COL19A1: variants seen among roughly 807,000 people sequenced by gnomAD.
COL19A1 encodes the protein collagen alpha-1(XIX) chain.
Under a neutral mutation model 190.2 loss-of-function variants are expected in COL19A1, and 159 were observed. The observed-to-expected ratio is 0.84, with a 90% CI of 0.73 to 0.95. COL19A1 has a LOEUF of 0.95. Among genes scored for constraint, COL19A1 ranks in the 40% least tolerant of loss-of-function variants. The probability of loss-of-function intolerance (pLI) is 0.00; values close to 1 mark genes in which losing one functional copy is unlikely to be tolerated. For missense variants in COL19A1, 1,418 were observed against 1,431.9 expected (o/e 0.99, Z 0.16); for synonymous variants, 509 against 458.9 (o/e 1.11, Z -1.39).
At chr6:70,139,115 G>A (rs1254264227) in intron 19 of COL19A1, among the ~76,000 whole-genome samples, 1 of 152,094 alleles carries the variant, frequency 6.6e-6, no homozygotes, top group African/African-American at 2.4e-5. Flanking sequence ...GAGCAGAAAG[G>A]AGAAACTTTC....
rs372049814 is a variant in COL19A1, at chr6:70,023,691, C to T, written c.1080+11C>T. The T allele has an allele frequency of 6.2e-7, 1 of 1,603,640 alleles. No homozygotes were observed. Among genetic ancestry groups the T allele is most frequent in the Non-Finnish European group, 8.5e-7 (1 of 1,175,270 alleles). ...CTTAATGGAGAAAATGTAAGCCTAACTCTTTTTTCTGATACTCTGTTTACA... is the reference window on the plus strand; with the variant it reads ...CTTAATGGAGAAAATGTAAGCCTAATTCTTTTTTCTGATACTCTGTTTACA... On this transcript the variant is annotated intron_variant, in intron 12 of 50. Transcript: ENST00000620364.
chr6:69,901,689 T>TAAGAA (rs1035256231), intron 4 of COL19A1, among the ~76,000 whole-genome samples: 1 of 152,228 alleles, frequency 6.6e-6, no homozygotes, highest in African/African-American at 2.4e-5. Flanking sequence ...ATTTAGATGT[T>TAAGAA]TCTTAACTAG....
intron 24 of COL19A1, 73 bp downstream of exon 24, chr6:70,144,336 G>A (rs1216905123): frequency 2.3e-6 from 3 of 1,323,524 alleles, no homozygotes; most frequent in Non-Finnish European, 2.2e-6. Context: ...TAAGGGAGAT[G>A]AAAGGACAGC....
At chr6:70,089,272 G>C (rs3806020) in intron 15 of COL19A1, among the ~76,000 whole-genome samples, 1 of 152,060 alleles carries the variant, frequency 6.6e-6, no homozygotes, top group African/African-American at 2.4e-5. Flanking sequence ...TGGTTTGTCA[G>C]CCATGATCCA....
Position 70,135,592 on chromosome 6 carries a change from C to T in COL19A1, c.1384-2093C>T, listed in dbSNP as rs147325040. Among the ~76,000 whole-genome samples the T allele has an allele frequency of 6.2e-3, 940 of 152,186 alleles. 10 individuals carry two copies. The highest frequency in any genetic ancestry group is 0.022 in the African/African-American group (909 of 41,516). On this transcript the variant is annotated intron_variant, in intron 18 of 50. Coordinates refer to ENST00000620364, the MANE Select transcript of COL19A1 (RefSeq NM_001858.6). ...GATGGGCTCACTGCCCACTGTGCAC[C>T]GAAGCCAATAACTATGGCACCAGCT...
intron 2 of COL19A1, among the ~76,000 whole-genome samples, chr6:69,898,700 T>C (rs1355888382): frequency 6.6e-6 from 1 of 152,168 alleles, no homozygotes; most frequent in African/African-American, 2.4e-5. Context: ...CAAATAATAG[T>C]TATAATAATA....
chr6:70,122,484 G>A (rs1392167465), intron 17 of COL19A1, among the ~76,000 whole-genome samples: 1 of 152,156 alleles, frequency 6.6e-6, no homozygotes, highest in Non-Finnish European at 1.5e-5. Flanking sequence ...AAGCAAGGGA[G>A]TTTTGTTCCA....
intron 16 of COL19A1, among the ~76,000 whole-genome samples, chr6:70,111,062 G>A (rs755146607): frequency 6.6e-6 from 1 of 152,086 alleles, no homozygotes; most frequent in Non-Finnish European, 1.5e-5. Flanking sequence ...TTTTCAGAAC[G>A]GGATATTTGT....
intron 16 of COL19A1, among the ~76,000 whole-genome samples, chr6:70,118,932 T>C (rs1784734647): frequency 6.6e-6 from 1 of 152,186 alleles, no homozygotes; most frequent in Non-Finnish European, 1.5e-5. Flanking sequence ...ATGAGAAGTA[T>C]ATACTTTGCT....
In COL19A1 at chr6:70,142,228, G is replaced by A. The variant is rs192194449; in HGVS notation, c.1572+152G>A. 11 of 691,490 alleles carry A rather than the reference G, an allele frequency of 1.6e-5. No homozygotes were observed. The African/African-American group carries it at 1.6e-4, about 10-fold the overall frequency. 42.8% of individuals were successfully genotyped at this position (691,490 alleles called of 1,614,324 possible). A position where few individuals can be genotyped will look rare whatever the true frequency, so the allele number is the denominator to read the frequency against. ...TCCATGGTGATTTTCCCCACTGGCT[G>A]CATTTATTACACGCATAGTAACTGT... On this transcript the variant is annotated intron_variant, in intron 22 of 50. Coordinates refer to ENST00000620364, the MANE Select transcript of COL19A1 (RefSeq NM_001858.6).
intron 4 of COL19A1, among the ~76,000 whole-genome samples, chr6:69,916,352 AAAAAG>A (rs1352976755): frequency 1.3e-5 from 2 of 152,246 alleles, no homozygotes; most frequent in Non-Finnish European, 2.9e-5. Flanking sequence ...AATGAAAATT[AAAAAG>A]AAAAGAAATG....
intron 11 of COL19A1, among the ~76,000 whole-genome samples, chr6:69,978,490 A>G (rs913052310): frequency 1.3e-5 from 2 of 152,034 alleles, no homozygotes; most frequent in Non-Finnish European, 2.9e-5. Context: ...ACAGTCCTCA[A>G]TAACCCCGGA....
At chr6:70,156,935 G>A (rs541117761) in intron 34 of COL19A1, among the ~76,000 whole-genome samples, 1 of 152,138 alleles carries the variant, frequency 6.6e-6, no homozygotes, top group Admixed American at 6.6e-5. Context: ...GGAAATTAAG[G>A]CACAAAGTTA....
chr6:70,198,312 G>A (rs1363641347), intron 48 of COL19A1, among the ~76,000 whole-genome samples: 1 of 152,150 alleles, frequency 6.6e-6, no homozygotes, highest in Non-Finnish European at 1.5e-5. Context: ...ACCAAACCCA[G>A]ACTAAAGTTT....
At chr6:69,884,182 A>G (rs1027643109) in intron 2 of COL19A1, among the ~76,000 whole-genome samples, 2 of 152,120 alleles carry the variant, frequency 1.3e-5, no homozygotes, top group Non-Finnish European at 2.9e-5. Context: ...TAAAAATATA[A>G]AAATTAGCTG....
At chr6:70,156,993 C>A (rs1246467141) in intron 34 of COL19A1, among the ~76,000 whole-genome samples, 1 of 151,858 alleles carries the variant, frequency 6.6e-6, no homozygotes, top group Non-Finnish European at 1.5e-5. Context: ...ATAATAATTC[C>A]AGCTCTCTCA....
chr6:69,877,464 G>A (rs147419785), intron 1 of COL19A1, among the ~76,000 whole-genome samples: 10 of 152,150 alleles, frequency 6.6e-5, no homozygotes, highest in African/African-American at 2.2e-4. Flanking sequence ...GGCGTTGCAC[G>A]TATTCATTTT....
At chr6:69,970,753 A>G (rs1362746795) in intron 11 of COL19A1, among the ~76,000 whole-genome samples, 2 of 152,198 alleles carry the variant, frequency 1.3e-5, no homozygotes, top group African/African-American at 4.8e-5. Flanking sequence ...CCTTTACCCT[A>G]GTAACATGTA....
At position 69,971,260 on chromosome 6, in the gene COL19A1, A is replaced by G. The variant is rs1775405955; in HGVS notation, c.1026+8390A>G. 7.2e-5 allele frequency among the ~76,000 whole-genome samples: 11 copies of G among 152,304 alleles called. No individual in the cohort carries two copies. The South Asian group carries it at 2.3e-3, about 32-fold the overall frequency. ...ATATTTCACTATATAAATACGTAAT[A>G]TTTTATGTGAGCATTCCCTTGTTGT... On this transcript the variant is annotated intron_variant, in intron 11 of 50. Coordinates refer to ENST00000620364, the MANE Select transcript of COL19A1 (RefSeq NM_001858.6).
Sources: gnomAD v4.1 joint callset for allele counts (sites outside exome capture counted in the v4.1 genomes callset) on GRCh38, gnomAD v4.1.1 for gene constraint, MANE v1.5 for transcripts, NCBI Gene and HGNC (gene_info 2026-07-23, HGNC 2026-07-21) for gene names.